Variants in ABCG2 observed in about 807,000 individuals in gnomAD.
ABCG2 encodes the protein ATP binding cassette subfamily G member 2 (JR blood group), also known as broad substrate specificity ATP-binding cassette transporter ABCG2.
ABCG2 carries 80 observed loss-of-function variants against 73.5 expected under a neutral mutation model. The ratio of observed to expected loss-of-function variants is 1.09; its 90% CI spans 0.91 to 1.31. ABCG2 has a LOEUF of 1.31. Ranked by LOEUF, ABCG2 falls within the 50% of genes most tolerant of loss-of-function variation. The pLI, the probability that ABCG2 is intolerant of heterozygous loss-of-function variation, is 0.00. For synonymous variants in ABCG2, 269 were observed against 282.4 expected (o/e 0.95, Z 0.48); for missense variants, 796 against 786.2 (o/e 1.01, Z -0.15).
chr4:88,202,891 G>A (rs772535274), intron 1 of ABCG2, among the ~76,000 whole-genome samples: 42 of 152,056 alleles, frequency 2.8e-4, no homozygotes, highest in Non-Finnish European at 5.0e-4. Flanking sequence ...AAATAAATTC[G>A]AGAGATTATA....
At chr4:88,100,488 G>A (rs756731778) in intron 11 of ABCG2, among the ~76,000 whole-genome samples, 10 of 150,344 alleles carry the variant, frequency 6.7e-5, no homozygotes, top group Non-Finnish European at 1.3e-4. Flanking sequence ...GGGAGACAGA[G>A]CGAGCGAGAC....
chr4:88,164,342 G>A (rs1727429973), intron 1 of ABCG2, among the ~76,000 whole-genome samples: 1 of 152,252 alleles, frequency 6.6e-6, no homozygotes, highest in Non-Finnish European at 1.5e-5. Flanking sequence ...TAGGATTACA[G>A]GCGTGAGCTA....
At chr4:88,180,761 A>G (rs4693927) in intron 1 of ABCG2, among the ~76,000 whole-genome samples, 127,973 of 151,796 alleles carry the variant, frequency 0.84, 54,122 homozygotes, top group East Asian at 1. Context: ...TCAAAATAAA[A>G]GGTATAATAA....
intron 5 of ABCG2, among the ~76,000 whole-genome samples, chr4:88,122,810 C>G (rs1363635483): frequency 6.6e-6 from 1 of 152,244 alleles, no homozygotes; most frequent in Non-Finnish European, 1.5e-5. Flanking sequence ...CGCTAGAGCT[C>G]TGCTAAGGGA....
intron 1 of ABCG2, among the ~76,000 whole-genome samples, chr4:88,211,620 T>C (rs1729604489): frequency 6.6e-6 from 1 of 152,186 alleles, no homozygotes; most frequent in South Asian, 2.1e-4. Flanking sequence ...GGTTTCACTG[T>C]GTTAGCCAGG....
intron 1 of ABCG2, among the ~76,000 whole-genome samples, chr4:88,173,217 A>G (rs978723596): frequency 3.3e-5 from 5 of 152,170 alleles, no homozygotes; most frequent in Non-Finnish European, 5.9e-5. Context: ...ACAAACCCCT[A>G]TGTATCAATC....
chr4:88,099,887 GC>G (rs1296334919), intron 11 of ABCG2, among the ~76,000 whole-genome samples: 1 of 151,844 alleles, frequency 6.6e-6, no homozygotes, highest in Non-Finnish European at 1.5e-5. Context: ...TATTCTCCAA[GC>G]CCCCTAGTGC....
chr4:88,203,754 C>A (rs1729273195), intron 1 of ABCG2, among the ~76,000 whole-genome samples: 6 of 131,756 alleles, frequency 4.6e-5, no homozygotes, highest in East Asian at 2.2e-4. Flanking sequence ...AACTCAGTTT[C>A]AAAAAAAAAA....
chr4:88,109,501 T>C (rs1236607582), intron 9 of ABCG2, among the ~76,000 whole-genome samples: 1 of 152,220 alleles, frequency 6.6e-6, no homozygotes, highest in Non-Finnish European at 1.5e-5. Flanking sequence ...GTGTCTGTGT[T>C]ATTCTTTCTG....
intron 8 of ABCG2, 137 bp downstream of exon 8, chr4:88,114,819 CA>C: frequency 3.6e-6 from 2 of 554,040 alleles, no homozygotes; most frequent in Non-Finnish European, 6.4e-6. Flanking sequence ...TCACAGACAA[CA>C]AAATATTTGT....
intron 1 of ABCG2, among the ~76,000 whole-genome samples, chr4:88,212,778 G>A (rs1729655529): frequency 6.6e-6 from 1 of 151,996 alleles, no homozygotes; most frequent in Non-Finnish European, 1.5e-5. Flanking sequence ...TTTGTCACTC[G>A]CTTGGCAAAA....
intron 12 of ABCG2, among the ~76,000 whole-genome samples, chr4:88,098,685 T>TAGACAGAC (rs1553931062): frequency 1.1e-4 from 16 of 151,638 alleles, no homozygotes; most frequent in African/African-American, 3.6e-4. Flanking sequence ...GATAGATAGA[T>TAGACAGAC]AGACAGATAG....
rs1233837497 is a variant in ABCG2 at position 88,132,642 on chromosome 4, A to T, written c.204-7T>A. On this transcript the variant is annotated splice_polypyrimidine_tract_variant and splice_region_variant and intron_variant, in intron 2 of 15. Transcript: ENST00000237612. ...ACCAGGTTTCATGATCCCACTGTAA[A>T]CACAAAAACAGACTGATTTACTATT... 9 of 1,614,174 alleles carry T rather than the reference A, an allele frequency of 5.6e-6. No homozygotes were observed. The highest frequency in any genetic ancestry group is 7.6e-6 in the Non-Finnish European group (9 of 1,179,982).
intron 1 of ABCG2, among the ~76,000 whole-genome samples, chr4:88,144,600 C>A (rs1402079074): frequency 6.6e-6 from 1 of 151,796 alleles, no homozygotes; most frequent in Admixed American, 6.6e-5. Flanking sequence ...GGATTACAGG[C>A]CGATGCCACA....
chr4:88,202,444 C>G (rs1729224741), intron 1 of ABCG2, among the ~76,000 whole-genome samples: 1 of 145,156 alleles, frequency 6.9e-6, no homozygotes, highest in African/African-American at 2.5e-5. Context: ...TGTCACACAA[C>G]CAGGAAAGAT....
intron 1 of ABCG2, among the ~76,000 whole-genome samples, chr4:88,190,365 A>G (rs1728638594): frequency 6.6e-6 from 1 of 152,158 alleles, no homozygotes; most frequent in African/African-American, 2.4e-5. Flanking sequence ...TTGACCTCAA[A>G]TCCAAGCCGT....
chr4:88,159,262 G>A (rs368986954), upstream of ABCG2: 1 of 455,000 alleles, frequency 2.2e-6, no homozygotes, highest in Admixed American at 2.4e-5. Flanking sequence ...GAAGCACCGG[G>A]GACGCTGACG....
Position 88,094,609 on chromosome 4 carries a change from A to C in ABCG2, c.1788T>G (p.Asn596Lys), listed in dbSNP as rs1560647243. Residue 596 changes from asparagine (N) to lysine (K), a missense_variant, in exon 15 of 16, where the codon AAT becomes AAG. Physicochemically the swap from Asn to Lys is moderately conservative, Grantham distance 94 (BLOSUM62 0). Transcript: ENST00000237612. ...FLGQNFCPGL[N>K]ATGNNPCNYA... ...AGTTACAAGGATTGTTTCCTGTTGC[A>C]TTGAGTCCTGGGCAGAAGTTTTGTC... 4 of 1,614,102 alleles carry C rather than the reference A, an allele frequency of 2.5e-6. No individual in the cohort carries two copies. Among genetic ancestry groups the C allele is most frequent in the Non-Finnish European group, 3.4e-6 (4 of 1,179,942 alleles).
upstream of ABCG2, chr4:88,163,744 G>T (rs6854660): frequency 2.3e-3 from 972 of 416,532 alleles, 10 homozygotes; most frequent in African/African-American, 0.019. Context: ...TGCCATGAAG[G>T]AGATGGGAAC....
Sources: gnomAD v4.1 joint callset for allele counts (sites outside exome capture counted in the v4.1 genomes callset) on GRCh38, gnomAD v4.1.1 for gene constraint, MANE v1.5 for transcripts, NCBI Gene and HGNC (gene_info 2026-07-23, HGNC 2026-07-21) for gene names.